Variants in PPA2 observed in about 807,000 individuals in gnomAD.
PPA2 encodes the protein inorganic pyrophosphatase 2, also known as inorganic pyrophosphatase 2, mitochondrial.
Under a neutral mutation model 49.5 loss-of-function variants are expected in PPA2, and 48 were observed. The ratio of observed to expected loss-of-function variants is 0.97; its 90% CI spans 0.77 to 1.23. PPA2 has a LOEUF of 1.23. Among genes scored for constraint, PPA2 ranks in the 50% most tolerant of loss-of-function variants. The pLI is 0.00. For missense variants in PPA2, 429 were observed against 410.1 expected (o/e 1.05, Z -0.40); for synonymous variants, 131 against 139.9 (o/e 0.94, Z 0.45).
intron 1 of PPA2, among the ~76,000 whole-genome samples, chr4:105,470,599 C>G (rs1214382479): frequency 6.6e-6 from 1 of 152,220 alleles, no homozygotes; most frequent in Non-Finnish European, 1.5e-5. Context: ...ATCACATCAC[C>G]TTATTTTCTC....
chr4:105,415,753 C>T (rs529291227), intron 7 of PPA2, among the ~76,000 whole-genome samples: 1 of 152,206 alleles, frequency 6.6e-6, no homozygotes, highest in Non-Finnish European at 1.5e-5. Context: ...GTCTTTGCAG[C>T]AGCTGCTCCA....
intron 1 of PPA2, among the ~76,000 whole-genome samples, chr4:105,457,627 G>C (rs913317374): frequency 2.5e-4 from 38 of 152,054 alleles, no homozygotes; most frequent in Admixed American, 7.2e-4. Flanking sequence ...GGTCTGGAAT[G>C]CAGTGGCATG....
chr4:105,444,140 T>C (rs1043064361), intron 5 of PPA2, among the ~76,000 whole-genome samples: 1 of 152,228 alleles, frequency 6.6e-6, no homozygotes, highest in Admixed American at 6.5e-5. Context: ...CTTGCAAATA[T>C]ACAGGCCTTT....
intron 1 of PPA2, among the ~76,000 whole-genome samples, chr4:105,461,353 T>C (rs1036766909): frequency 7.2e-5 from 11 of 152,086 alleles, no homozygotes; most frequent in Non-Finnish European, 1.6e-4. Context: ...GTGGAAAACA[T>C]GAAAACCCTC....
chr4:105,398,869 T>G (rs1734247581), intron 8 of PPA2, 168 bp downstream of exon 8: 1 of 586,378 alleles, frequency 1.7e-6, no homozygotes, highest in Non-Finnish European at 2.7e-6. Flanking sequence ...TTAGATCTTC[T>G]GAAACAGAAT....
chr4:105,449,914 T>A (rs1057373712), intron 3 of PPA2, among the ~76,000 whole-genome samples: 3 of 152,178 alleles, frequency 2.0e-5, no homozygotes, highest in Non-Finnish European at 4.4e-5. Context: ...ACAATCACAG[T>A]GTAAAATTCA....
chr4:105,383,836 G>A (rs751132762), intron 10 of PPA2, among the ~76,000 whole-genome samples: 3 of 151,790 alleles, frequency 2.0e-5, no homozygotes, highest in Middle Eastern at 3.4e-3. Flanking sequence ...GACTTGATAC[G>A]GTCTGAATCT....
chr4:105,379,357 G>GTA (rs1232928424), intron 10 of PPA2, among the ~76,000 whole-genome samples: 1 of 151,254 alleles, frequency 6.6e-6, no homozygotes, highest in Admixed American at 6.6e-5. Context: ...ATATACAGAT[G>GTA]TATATATATC....
rs1195418139 is a variant in PPA2 at position 105,396,301 on chromosome 4, G to C, written c.817C>G (p.Gln273Glu). ...FALEVIKSTH[Q>E]CWKALLMKKC... ...TTCATAAGCAATGCTTTCCAACATT[G>C]ATGAGTGGATTTAATAACTTCAAGA... is the stretch of plus-strand genomic sequence containing the variant. The change falls in exon 9 of 12, where the codon CAA (glutamine) becomes GAA (glutamate). Residue 273 changes from glutamine (Q) to glutamate (E), a missense_variant. Physicochemically the swap from Gln to Glu is conservative, Grantham distance 29. Transcript: ENST00000341695. 6.3e-7 allele frequency: 1 copy of C among 1,598,116 alleles called. No homozygotes were observed. The highest frequency in any genetic ancestry group is 1.3e-5 in the African/African-American group (1 of 74,610).
At position 105,453,608 on chromosome 4, in the gene PPA2, T is replaced by C; in HGVS notation, c.257A>G (p.Asp86Gly). The C allele has an allele frequency of 6.2e-7, 1 of 1,606,054 alleles. No individual in the cohort carries two copies. The highest frequency in any genetic ancestry group is 1.1e-5 in the South Asian group (1 of 89,160). ...AACCTTTGGATATACCTCATATTCA[T>C]CATTTCGTGCTTTCTTCATAGGAAT... ...NGIPMKKARN[D>G]EYENLFNMIV... Residue 86 changes from aspartate to glycine, a missense_variant, in exon 3 of 12, where the codon GAT (aspartate) becomes GGT (glycine). Physicochemically the swap from Asp to Gly is moderately conservative, Grantham distance 94 (BLOSUM62 -1). Coordinates refer to ENST00000341695, the MANE Select transcript of PPA2 (RefSeq NM_176869.3).
chr4:105,468,828 A>G (rs999373485), intron 1 of PPA2, among the ~76,000 whole-genome samples: 2 of 152,184 alleles, frequency 1.3e-5, no homozygotes, highest in Non-Finnish European at 2.9e-5. Context: ...ACATTTGTGT[A>G]CTATTTGTAG....
intron 6 of PPA2, among the ~76,000 whole-genome samples, chr4:105,434,593 C>T (rs1723960354): frequency 6.6e-6 from 1 of 152,190 alleles, no homozygotes; most frequent in Non-Finnish European, 1.5e-5. Context: ...GTAGATGACT[C>T]TGGCAGCAGG....
intron 7 of PPA2, among the ~76,000 whole-genome samples, chr4:105,422,751 C>T (rs1238130686): frequency 6.6e-6 from 1 of 152,154 alleles, no homozygotes; most frequent in Non-Finnish European, 1.5e-5. Context: ...ACAATATCTA[C>T]TATAACAGGC....
intron 10 of PPA2, among the ~76,000 whole-genome samples, chr4:105,385,617 C>T (rs892793183): frequency 6.6e-6 from 1 of 152,004 alleles, no homozygotes; most frequent in Admixed American, 6.6e-5. Context: ...CTCCTAAATA[C>T]ACTTTATACA....
At chr4:105,468,358 A>G (rs1260996560) in intron 1 of PPA2, among the ~76,000 whole-genome samples, 1 of 152,232 alleles carries the variant, frequency 6.6e-6, no homozygotes, top group African/African-American at 2.4e-5. Context: ...GAGAATGTGA[A>G]GGAGAAGCAT....
intron 9 of PPA2, among the ~76,000 whole-genome samples, chr4:105,389,013 T>A (rs529520226): frequency 1.2e-4 from 18 of 152,120 alleles, no homozygotes; most frequent in Non-Finnish European, 2.2e-4. Flanking sequence ...TCCTCAATGA[T>A]GTCCTTTTAG....
chr4:105,421,815 G>C (rs774406002), intron 7 of PPA2, among the ~76,000 whole-genome samples: 1 of 152,174 alleles, frequency 6.6e-6, no homozygotes. Flanking sequence ...GGCTGAGGCG[G>C]GTAGATCCCT....
At chr4:105,459,699 T>C (rs1723007224) in intron 1 of PPA2, among the ~76,000 whole-genome samples, 1 of 152,262 alleles carries the variant, frequency 6.6e-6, no homozygotes, top group Non-Finnish European at 1.5e-5. Context: ...GTTATACTCA[T>C]ATAGTGGTCT....
chr4:105,460,445 G>A (rs1441716596), intron 1 of PPA2, among the ~76,000 whole-genome samples: 1 of 152,050 alleles, frequency 6.6e-6, no homozygotes, highest in Non-Finnish European at 1.5e-5. Flanking sequence ...AAGGGGTTCT[G>A]GAACCAATCC....
Sources: gnomAD v4.1 joint callset for allele counts (sites outside exome capture counted in the v4.1 genomes callset) on GRCh38, gnomAD v4.1.1 for gene constraint, MANE v1.5 for transcripts, NCBI Gene and HGNC (gene_info 2026-07-23, HGNC 2026-07-21) for gene names.